PLPP3: variants seen among roughly 807,000 people sequenced by gnomAD.
PLPP3 encodes the protein phospholipid phosphatase 3.
A neutral mutation model predicts 29.6 loss-of-function variants in PLPP3; 6 were observed. The observed-to-expected ratio is 0.20, with a 90% CI of 0.11 to 0.40. The LOEUF (loss-of-function observed/expected upper bound fraction) is 0.40. Ranked by LOEUF, PLPP3 falls within the 10% of genes least tolerant of loss-of-function variation. The pLI is 1.00. For synonymous variants in PLPP3, 152 were observed against 159.7 expected (o/e 0.95, Z 0.36); for missense variants, 308 against 407.7 (o/e 0.76, Z 2.11).
rs188892603 is a variant in PLPP3 at position 56,522,078 on chromosome 1, A to T, written c.633+1745T>A. On this transcript the variant is annotated intron_variant, in intron 4 of 5. Coordinates refer to ENST00000371250, the MANE Select transcript of PLPP3 (RefSeq NM_003713.5). ...CAGTACAATGAAAAGAACATAAAAC[A>T]ATGCTGGAGTCTGGCCTGCAAATAC... Among the ~76,000 whole-genome samples the T allele has an allele frequency of 1.2e-3, 177 of 152,338 alleles. 1 individual carries two copies. In the South Asian group the frequency reaches 0.015, roughly 13 times the overall value.
chr1:56,564,901 G>C (rs1238816369), intron 1 of PLPP3, among the ~76,000 whole-genome samples: 1 of 152,178 alleles, frequency 6.6e-6, no homozygotes. Context: ...AACAACTTTG[G>C]AAATATTTTT....
At chr1:56,537,187 A>T in intron 1 of PLPP3, 75 bp from the exon 2 acceptor site, 1 of 1,460,668 alleles carries the variant, frequency 6.8e-7, no homozygotes, top group South Asian at 1.3e-5. Flanking sequence ...AGTGCCAAAG[A>T]GGAACTTCAA....
intron 1 of PLPP3, among the ~76,000 whole-genome samples, chr1:56,540,209 T>C (rs1322926824): frequency 1.3e-5 from 2 of 152,178 alleles, no homozygotes; most frequent in South Asian, 2.1e-4. Context: ...GTTGGGATTA[T>C]ATAAAAATTA....
chr1:56,527,714 C>T (rs1235285391), intron 2 of PLPP3, among the ~76,000 whole-genome samples: 1 of 152,106 alleles, frequency 6.6e-6, no homozygotes, highest in East Asian at 1.9e-4. Flanking sequence ...GAGTCGACAA[C>T]ACAGCCATAA....
rs1645634315 is a variant in PLPP3, at chr1:56,496,827, T to A, written c.811-151A>T. On this transcript the variant is annotated intron_variant, in intron 5 of 5. Transcript: ENST00000371250. ...GGGAAGGACAACAGAGATCATATCA[T>A]CAAGGTTTATTGTACAGATAGGGAA... The A allele has an allele frequency of 1.0e-5, 8 of 787,628 alleles. No individual in the cohort carries two copies. The South Asian group carries it at 1.5e-4, about 15-fold the overall frequency. 48.8% of individuals were successfully genotyped at this position (787,628 alleles called of 1,614,324 possible).
chr1:56,529,573 G>A (rs949555347), intron 2 of PLPP3, among the ~76,000 whole-genome samples: 14 of 152,124 alleles, frequency 9.2e-5, no homozygotes, highest in African/African-American at 3.4e-4. Context: ...CAGTCCCAAA[G>A]GAAAGGAAAA....
chr1:56,563,516 G>A (rs11206845), intron 1 of PLPP3, among the ~76,000 whole-genome samples: 8,826 of 152,184 alleles, frequency 0.058, 687 homozygotes, highest in African/African-American at 0.17. Flanking sequence ...CTCCTACCAT[G>A]GCTCCTGACC....
Position 56,551,315 on chromosome 1 carries a change from G to T in PLPP3, c.140-14203C>A, listed in dbSNP as rs200235530. Among the ~76,000 whole-genome samples, 3 of 150,676 alleles carry T rather than the reference G, an allele frequency of 2.0e-5. No homozygotes were observed. The East Asian group carries it at 5.8e-4, about 29-fold the overall frequency. On this transcript the variant is annotated intron_variant, in intron 1 of 5. Coordinates refer to ENST00000371250, the MANE Select transcript of PLPP3 (RefSeq NM_003713.5). ...GGTTCGGTTCGGTTCGGTTCGGTTC[G>T]GTTCGGTTTGGTGGTGTGCAATTAG...
In PLPP3 at chr1:56,579,279, T is replaced by C. The variant is rs2100320434; in HGVS notation, c.-263A>G. On this transcript the variant is annotated 5_prime_UTR_variant, in exon 1 of 6. Coordinates refer to ENST00000371250, the MANE Select transcript of PLPP3 (RefSeq NM_003713.5). Reference sequence around the variant, plus strand: ...AAAGTCCAAGGGGAAGAGAGCCAGATCCCGAGCAGAAACTTTTGCAGAGCT... The same window carrying C: ...AAAGTCCAAGGGGAAGAGAGCCAGACCCCGAGCAGAAACTTTTGCAGAGCT... 2 of 435,124 alleles carry C rather than the reference T, an allele frequency of 4.6e-6. No individual in the cohort carries two copies. The highest frequency in any genetic ancestry group is 2.1e-5 in the African/African-American group (1 of 47,006). 27.0% of individuals were successfully genotyped at this position (435,124 alleles called of 1,614,324 possible). A position where few individuals can be genotyped will look rare whatever the true frequency, so the allele number is the denominator to read the frequency against.
intron 1 of PLPP3, among the ~76,000 whole-genome samples, chr1:56,567,353 ATT>A (rs1394458610): frequency 6.9e-6 from 1 of 145,052 alleles, no homozygotes; most frequent in Non-Finnish European, 1.5e-5. Context: ...AAATTCTGGC[ATT>A]GTTTCCCTTA....
intron 1 of PLPP3, among the ~76,000 whole-genome samples, chr1:56,553,888 T>C (rs1646056280): frequency 6.6e-6 from 1 of 152,170 alleles, no homozygotes; most frequent in Non-Finnish European, 1.5e-5. Context: ...GTTCATACAA[T>C]GCCTGGCACA....
At chr1:56,563,760 T>C (rs1216891868) in intron 1 of PLPP3, among the ~76,000 whole-genome samples, 1 of 152,226 alleles carries the variant, frequency 6.6e-6, no homozygotes, top group Non-Finnish European at 1.5e-5. Flanking sequence ...AAAAACAGAA[T>C]GAACTTCAAC....
chr1:56,556,138 G>A (rs1482463872), intron 1 of PLPP3, among the ~76,000 whole-genome samples: 3 of 152,302 alleles, frequency 2.0e-5, no homozygotes, highest in East Asian at 3.9e-4. Flanking sequence ...GGTAAATTGT[G>A]CCCTCTCCCA....
chr1:56,527,404 C>A (rs1322700215), intron 2 of PLPP3, among the ~76,000 whole-genome samples: 1 of 152,134 alleles, frequency 6.6e-6, no homozygotes, highest in Admixed American at 6.6e-5. Context: ...AGTGACTTTT[C>A]TGAAGGATTT....
Position 56,515,570 on chromosome 1 carries a change from G to C in PLPP3, c.634-3418C>G, listed in dbSNP as rs189329272. On this transcript the variant is annotated intron_variant, in intron 4 of 5. Transcript: ENST00000371250. ...CATCAGAATAGCTCCAGAAAGGAAG[G>C]GAGTGCTTATGAATGAGAAAGGAGT... Among the ~76,000 whole-genome samples, 386 of 152,306 alleles carry C rather than the reference G, an allele frequency of 2.5e-3. 4 individuals are homozygous for C. Among genetic ancestry groups the C allele is most frequent in the African/African-American group, 8.6e-3 (358 of 41,562 alleles).
At chr1:56,555,931 T>C (rs1646073594) in intron 1 of PLPP3, among the ~76,000 whole-genome samples, 1 of 152,228 alleles carries the variant, frequency 6.6e-6, no homozygotes, top group South Asian at 2.1e-4. Context: ...CATCAAACAG[T>C]CTCACACTAA....
At chr1:56,570,457 T>G (rs2065555) in intron 1 of PLPP3, among the ~76,000 whole-genome samples, 134,667 of 152,236 alleles carry the variant, frequency 0.88, 59,794 homozygotes, top group Non-Finnish European at 0.92. Flanking sequence ...TACTTTCAAA[T>G]CACACAGAAA....
chr1:56,496,416 A>ATT lies in PLPP3; in HGVS notation c.*133_*134dup. ...ATTTTGGAAGGCCACATAGTAAAACATTTTTTTTTTCCTTTTTAAAAATCA... is the reference window on the plus strand; with the variant it reads ...ATTTTGGAAGGCCACATAGTAAAACATTTTTTTTTTTTCCTTTTTAAAAATCA... On this transcript the variant is annotated 3_prime_UTR_variant, in exon 6 of 6. Coordinates refer to ENST00000371250, the MANE Select transcript of PLPP3 (RefSeq NM_003713.5). 14 of 1,091,582 alleles carry ATT rather than the reference A, an allele frequency of 1.3e-5. No homozygotes were observed. The highest frequency in any genetic ancestry group is 2.7e-5 in the East Asian group (1 of 37,304). The allele number at this position is 1,091,582 out of a possible 1,614,324, so 67.6% of individuals were successfully genotyped here.
intron 4 of PLPP3, among the ~76,000 whole-genome samples, chr1:56,513,950 T>C (rs1281599040): frequency 6.6e-6 from 1 of 152,024 alleles, no homozygotes; most frequent in Non-Finnish European, 1.5e-5. Flanking sequence ...GTAAATACTA[T>C]TAGATTGCCA....
Sources: allele counts gnomAD v4.1 joint callset (sites outside exome capture counted in the v4.1 genomes callset), GRCh38; gene constraint gnomAD v4.1.1; transcripts MANE v1.5; gene names NCBI Gene and HGNC (gene_info 2026-07-23, HGNC 2026-07-21).